Variants in EID1 observed in about 807,000 individuals in gnomAD.
The protein encoded by EID1 is EP300 interacting inhibitor of differentiation 1, also known as EP300-interacting inhibitor of differentiation 1.
Under a neutral mutation model 13.7 loss-of-function variants are expected in EID1, and 3 were observed. That is an observed-to-expected ratio of 0.22 (90% CI 0.10 to 0.57). The LOEUF (loss-of-function observed/expected upper bound fraction) is 0.57. EID1 is among the 20% of genes least tolerant of loss of function. The pLI is 0.92. For missense variants in EID1, 261 were observed against 247.6 expected (o/e 1.05, Z -0.36); for synonymous variants, 105 against 97.6 (o/e 1.08, Z -0.44).
rs761401009 is a variant in EID1 at position 48,878,346 on chromosome 15, C to G, written c.170C>G (p.Pro57Arg). The G allele has an allele frequency of 1.7e-5, 27 of 1,613,422 alleles. No individual in the cohort carries two copies. Among genetic ancestry groups the G allele is most frequent in the Non-Finnish European group, 2.1e-5 (25 of 1,179,662 alleles). ...GCCCAACAGCTCGAGGAGGAAGGCC[C>G]AATGGAGGAGGAGGAGGCCCAGCCA... ...SGAQQLEEEGPMEEEEAQPMA... is the reference protein window; with the variant it reads ...SGAQQLEEEGRMEEEEAQPMA... Residue 57 changes from proline to arginine, a missense_variant, in exon 1 of 1, where the codon CCA becomes CGA. Transcript: ENST00000530028.
Position 48,878,521 on chromosome 15 carries a change from G to A in EID1, c.345G>A (p.Glu115=). ...WEDDYDYPEE[E]QLSGAGYRVS... is the part of the protein sequence containing the mutation. ...ACGACTACGACTATCCCGAAGAGGAGCAGCTCAGTGGTGCCGGCTACAGAG... is the reference window on the plus strand; with the variant it reads ...ACGACTACGACTATCCCGAAGAGGAACAGCTCAGTGGTGCCGGCTACAGAG... Residue 115 remains glutamate (E), a synonymous_variant, in exon 1 of 1, where the codon GAG becomes GAA. Coordinates refer to ENST00000530028, the MANE Select transcript of EID1 (RefSeq NM_014335.3). 1 of 1,614,080 alleles carries A rather than the reference G, an allele frequency of 6.2e-7. No individual in the cohort carries two copies. Among genetic ancestry groups the A allele is most frequent in the Non-Finnish European group, 8.5e-7 (1 of 1,179,904 alleles).
At position 48,878,824 on chromosome 15, in the gene EID1, G is replaced by A. The variant is rs1171317278; in HGVS notation, c.*84G>A. ...TTTTGGGTTCATTCCAAATAGTTTT[G>A]TGCCATTGAAAAACTTGACCTTCAA... On this transcript the variant is annotated 3_prime_UTR_variant, in exon 1 of 1. Coordinates refer to ENST00000530028, the MANE Select transcript of EID1 (RefSeq NM_014335.3). The A allele has an allele frequency of 1.5e-6, 2 of 1,368,266 alleles. No homozygotes were observed. The highest frequency in any genetic ancestry group is 2.0e-6 in the Non-Finnish European group (2 of 1,014,930). The allele number at this position is 1,368,266 out of a possible 1,614,324, so 84.8% of individuals were successfully genotyped here. A position where few individuals can be genotyped will look rare whatever the true frequency, so the allele number is the denominator to read the frequency against.
Position 48,878,972 on chromosome 15 carries a change from G to A in EID1, c.*232G>A. On this transcript the variant is annotated 3_prime_UTR_variant, in exon 1 of 1. Coordinates refer to ENST00000530028, the MANE Select transcript of EID1 (RefSeq NM_014335.3). ...ACCGTTGAAATCAATTATCAAGAAC[G>A]TCCTAAAACACCTATGGCTTTGACT... 1 of 442,058 alleles carries A rather than the reference G, an allele frequency of 2.3e-6. No homozygotes were observed. The highest frequency in any genetic ancestry group is 3.5e-5 in the East Asian group (1 of 28,824). 27.4% of individuals were successfully genotyped at this position (442,058 alleles called of 1,614,324 possible).
At position 48,878,792 on chromosome 15, in the gene EID1, C is replaced by T. The variant is rs893767396; in HGVS notation, c.*52C>T. 5.3e-6 allele frequency: 8 copies of T among 1,521,086 alleles called. No homozygotes were observed. In the African/African-American group the frequency reaches 8.3e-5, roughly 16 times the overall value. The allele number at this position is 1,521,086 out of a possible 1,614,324, so 94.2% of individuals were successfully genotyped here. A position where few individuals can be genotyped will look rare whatever the true frequency, so the allele number is the denominator to read the frequency against. On this transcript the variant is annotated 3_prime_UTR_variant, in exon 1 of 1. Coordinates refer to ENST00000530028, the MANE Select transcript of EID1 (RefSeq NM_014335.3). ...CTACTTGAGGAGGGACCCAACTTTCCGCTATCTTTTGGGTTCATTCCAAAT... is the reference window on the plus strand; with the variant it reads ...CTACTTGAGGAGGGACCCAACTTTCTGCTATCTTTTGGGTTCATTCCAAAT...
rs761502658 is a variant in EID1 at position 48,878,408 on chromosome 15, G to T, written c.232G>T (p.Gly78Trp). The T allele has an allele frequency of 1.2e-6, 2 of 1,611,842 alleles. No individual in the cohort carries two copies. The highest frequency in any genetic ancestry group is 2.7e-5 in the African/African-American group (2 of 74,914). The change falls in exon 1 of 1, where the codon GGG becomes TGG. Residue 78 changes from glycine to tryptophan, a missense_variant. Around this residue, in one of 2 missense-constraint regions of EID1, gnomAD observed 244 missense variants for 210.8 expected, o/e 1.16. Coordinates refer to ENST00000530028, the MANE Select transcript of EID1 (RefSeq NM_014335.3). The stretch of plus-strand genomic sequence containing the variant: ...AGAGGGGAAACGGAGCCTTGCTAAC[G>T]GGCCCAACGCTGGGGAGCAGCCAGG... ...APEGKRSLAN[G>W]PNAGEQPGQV...
Position 48,878,511 on chromosome 15 carries a change from C to T in EID1, c.335C>T (p.Pro112Leu), listed in dbSNP as rs1346676098. ...FDDWEDDYDY[P>L]EEEQLSGAGY... Reference sequence around the variant, plus strand: ...GACTGGGAGGACGACTACGACTATCCCGAAGAGGAGCAGCTCAGTGGTGCC... The same window carrying T: ...GACTGGGAGGACGACTACGACTATCTCGAAGAGGAGCAGCTCAGTGGTGCC... The change falls in exon 1 of 1, where the codon CCC becomes CTC. Residue 112 changes from proline to leucine, a missense_variant. This residue lies in a region of EID1 where 244 missense variants were observed against 210.8 expected (regional missense o/e 1.16). Coordinates refer to ENST00000530028, the MANE Select transcript of EID1 (RefSeq NM_014335.3). 1.9e-6 allele frequency: 3 copies of T among 1,613,910 alleles called. No individual in the cohort carries two copies. The highest frequency in any genetic ancestry group is 2.2e-5 in the South Asian group (2 of 91,090).
Position 48,878,611 on chromosome 15 carries a change from C to T in EID1, c.435C>T (p.Gly145=). 1.2e-6 allele frequency: 2 copies of T among 1,614,022 alleles called. No homozygotes were observed. Among genetic ancestry groups the T allele is most frequent in the Non-Finnish European group, 1.7e-6 (2 of 1,179,898 alleles). ...FLRTREPALD[G]GFQMHYEKTP... ...GAACAAGAGAACCAGCCCTGGATGG[C>T]GGGTTTCAGATGCATTATGAGAAGA... Residue 145 remains glycine (G), a synonymous_variant, in exon 1 of 1, where the codon GGC becomes GGT. Coordinates refer to ENST00000530028, the MANE Select transcript of EID1 (RefSeq NM_014335.3).
chr15:48,878,648 C>G lies in EID1; in HGVS notation c.472C>G (p.Gln158Glu). Residue 158 changes from glutamine (Q) to glutamate (E), a missense_variant, in exon 1 of 1, where the codon CAG becomes GAG. Transcript: ENST00000530028. ...GCATTATGAGAAGACCCCGTTTGATCAGTTAGCTTTTATCGAAGAGCTTTT... is the reference window on the plus strand; with the variant it reads ...GCATTATGAGAAGACCCCGTTTGATGAGTTAGCTTTTATCGAAGAGCTTTT... ...QMHYEKTPFD[Q>E]LAFIEELFSL... 1 of 1,614,066 alleles carries G rather than the reference C, an allele frequency of 6.2e-7. No homozygotes were observed. The highest frequency in any genetic ancestry group is 8.5e-7 in the Non-Finnish European group (1 of 1,179,904).
chr15:48,878,208 A>T lies in EID1; in HGVS notation c.32A>T (p.Tyr11Phe). The change falls in exon 1 of 1, where the codon TAT becomes TTT. Residue 11 changes from tyrosine to phenylalanine, a missense_variant. Physicochemically the swap from Tyr to Phe is conservative, Grantham distance 22. Around this residue, in one of 2 missense-constraint regions of EID1, gnomAD observed 244 missense variants for 210.8 expected, o/e 1.16. Transcript: ENST00000530028. The part of the protein sequence containing the change: MSEMAELSEL[Y>F]EESSDLQMDV... ...GAAATGGCTGAGTTGTCCGAGCTGT[A>T]TGAAGAGAGCAGTGACCTGCAGATG... The T allele has an allele frequency of 6.3e-7, 1 of 1,588,804 alleles. No homozygotes were observed. The highest frequency in any genetic ancestry group is 2.2e-5 in the East Asian group (1 of 44,610).
At position 48,878,593 on chromosome 15, in the gene EID1, A is replaced by G. The variant is rs1899875943; in HGVS notation, c.417A>G (p.Arg139=). ...CCGACAAGATGTTTCTGAGAACAAG[A>G]GAACCAGCCCTGGATGGCGGGTTTC... ...EEADKMFLRT[R]EPALDGGFQM... The change falls in exon 1 of 1, where the codon AGA becomes AGG. Residue 139 remains arginine (R), a synonymous_variant. Transcript: ENST00000530028. 6.2e-7 allele frequency: 1 copy of G among 1,613,962 alleles called. No individual in the cohort carries two copies. Among genetic ancestry groups the G allele is most frequent in the African/African-American group, 1.3e-5 (1 of 74,950 alleles).
chr15:48,878,407 C>G lies in EID1; in HGVS notation c.231C>G (p.Asn77Lys). 1 of 1,611,904 alleles carries G rather than the reference C, an allele frequency of 6.2e-7. No homozygotes were observed. The highest frequency in any genetic ancestry group is 1.1e-5 in the South Asian group (1 of 90,896). Residue 77 changes from asparagine to lysine, a missense_variant, in exon 1 of 1, where the codon AAC (asparagine) becomes AAG (lysine). Around this residue, in one of 2 missense-constraint regions of EID1, gnomAD observed 244 missense variants for 210.8 expected, o/e 1.16. Coordinates refer to ENST00000530028, the MANE Select transcript of EID1 (RefSeq NM_014335.3). ...AAPEGKRSLANGPNAGEQPGQ... is the reference protein window; with the variant it reads ...AAPEGKRSLAKGPNAGEQPGQ... ...CAGAGGGGAAACGGAGCCTTGCTAACGGGCCCAACGCTGGGGAGCAGCCAG... is the reference window on the plus strand; with the variant it reads ...CAGAGGGGAAACGGAGCCTTGCTAAGGGGCCCAACGCTGGGGAGCAGCCAG...
Position 48,878,402 on chromosome 15 carries a change from G to C in EID1, c.226G>C (p.Ala76Pro), listed in dbSNP as rs747474162. ...GGCGCCAGAGGGGAAACGGAGCCTT[G>C]CTAACGGGCCCAACGCTGGGGAGCA... is the stretch of plus-strand genomic sequence containing the variant. ...MAAPEGKRSL[A>P]NGPNAGEQPG... Residue 76 changes from alanine to proline, a missense_variant, in exon 1 of 1, where the codon GCT becomes CCT. Ala to Pro is a conservative substitution (Grantham distance 27). This residue lies in a region of EID1 where 244 missense variants were observed against 210.8 expected (regional missense o/e 1.16). Coordinates refer to ENST00000530028, the MANE Select transcript of EID1 (RefSeq NM_014335.3). 4 of 1,611,920 alleles carry C rather than the reference G, an allele frequency of 2.5e-6. No individual in the cohort carries two copies. Among genetic ancestry groups the C allele is most frequent in the Non-Finnish European group, 3.4e-6 (4 of 1,178,952 alleles).
Position 48,878,826 on chromosome 15 carries a change from G to C in EID1, c.*86G>C. 3 of 1,359,072 alleles carry C rather than the reference G, an allele frequency of 2.2e-6. No homozygotes were observed. Among genetic ancestry groups the C allele is most frequent in the Non-Finnish European group, 3.0e-6 (3 of 1,007,280 alleles). The allele number at this position is 1,359,072 out of a possible 1,614,324, so 84.2% of individuals were successfully genotyped here. On this transcript the variant is annotated 3_prime_UTR_variant, in exon 1 of 1. Coordinates refer to ENST00000530028, the MANE Select transcript of EID1 (RefSeq NM_014335.3). Reference sequence around the variant, plus strand: ...TTGGGTTCATTCCAAATAGTTTTGTGCCATTGAAAAACTTGACCTTCAAAA... The same window carrying C: ...TTGGGTTCATTCCAAATAGTTTTGTCCCATTGAAAAACTTGACCTTCAAAA...
rs1293184902 is a variant in EID1 at position 48,879,875 on chromosome 15, G to A, written c.*1135G>A. ...TACTTTCTATTGTATGTGTTAACCA[G>A]TATTAAGGGAAAATGATCCAGCTTC... is the stretch of plus-strand genomic sequence containing the variant. On this transcript the variant is annotated 3_prime_UTR_variant, in exon 1 of 1. Coordinates refer to ENST00000530028, the MANE Select transcript of EID1 (RefSeq NM_014335.3). The A allele has an allele frequency of 6.0e-6, 1 of 167,014 alleles. No individual in the cohort carries two copies. Among genetic ancestry groups the A allele is most frequent in the African/African-American group, 2.4e-5 (1 of 41,444 alleles). 10.3% of individuals were successfully genotyped at this position (167,014 alleles called of 1,614,324 possible). A position where few individuals can be genotyped will look rare whatever the true frequency, so the allele number is the denominator to read the frequency against.
rs1463034071 is a variant in EID1 at position 48,878,194 on chromosome 15, G to A, written c.18G>A (p.Glu6=). The change falls in exon 1 of 1, where the codon GAG becomes GAA. Residue 6 remains glutamate (E), a synonymous_variant. Transcript: ENST00000530028. ...TTTGCACAATGTCGGAAATGGCTGAGTTGTCCGAGCTGTATGAAGAGAGCA... is the reference window on the plus strand; with the variant it reads ...TTTGCACAATGTCGGAAATGGCTGAATTGTCCGAGCTGTATGAAGAGAGCA... MSEMA[E]LSELYEESSD... 1 of 1,562,532 alleles carries A rather than the reference G, an allele frequency of 6.4e-7. No homozygotes were observed.
In EID1 at chr15:48,878,378, G is replaced by A; in HGVS notation, c.202G>A (p.Ala68Thr). 1.2e-6 allele frequency: 2 copies of A among 1,612,784 alleles called. No homozygotes were observed. The highest frequency in any genetic ancestry group is 1.7e-6 in the Non-Finnish European group (2 of 1,179,286). The change falls in exon 1 of 1, where the codon GCG becomes ACG. Residue 68 changes from alanine to threonine, a missense_variant. By Grantham distance (58) the Ala-to-Thr change is moderately conservative. Around this residue, in one of 2 missense-constraint regions of EID1, gnomAD observed 244 missense variants for 210.8 expected, o/e 1.16. Coordinates refer to ENST00000530028, the MANE Select transcript of EID1 (RefSeq NM_014335.3). Reference sequence around the variant, plus strand: ...GGAGGAGGAGGCCCAGCCAATGGCGGCGCCAGAGGGGAAACGGAGCCTTGC... The same window carrying A: ...GGAGGAGGAGGCCCAGCCAATGGCGACGCCAGAGGGGAAACGGAGCCTTGC... Reference protein sequence around the residue: ...MEEEEAQPMAAPEGKRSLANG... With the variant: ...MEEEEAQPMATPEGKRSLANG...
rs531814832 is a variant in EID1 at position 48,879,534 on chromosome 15, A to G, written c.*794A>G. On this transcript the variant is annotated 3_prime_UTR_variant, in exon 1 of 1. Coordinates refer to ENST00000530028, the MANE Select transcript of EID1 (RefSeq NM_014335.3). ...ACCATTGCTTATGCTGTTATATACT[A>G]GAGAAATTTTGTTTTGCTTGCTGTT... 5.6e-4 allele frequency: 94 copies of G among 167,202 alleles called. No homozygotes were observed. The highest frequency in any genetic ancestry group is 2.2e-3 in the African/African-American group (93 of 41,596). 10.4% of individuals were successfully genotyped at this position (167,202 alleles called of 1,614,324 possible).
rs1899884613 is a variant in EID1, at chr15:48,878,878, A to G, written c.*138A>G. 5.7e-6 allele frequency: 4 copies of G among 697,728 alleles called. No individual in the cohort carries two copies. The South Asian group carries it at 8.0e-5, about 14-fold the overall frequency. 43.2% of individuals were successfully genotyped at this position (697,728 alleles called of 1,614,324 possible). On this transcript the variant is annotated 3_prime_UTR_variant, in exon 1 of 1. Coordinates refer to ENST00000530028, the MANE Select transcript of EID1 (RefSeq NM_014335.3). ...AATTTGTTTTTCAGAATAGAACACA[A>G]TAGGACAGTGACTGCACAGTTGTGA...
chr15:48,878,392 A>G lies in EID1; in HGVS notation c.216A>G (p.Lys72=). 2 of 1,612,374 alleles carry G rather than the reference A, an allele frequency of 1.2e-6. No homozygotes were observed. Among genetic ancestry groups the G allele is most frequent in the African/African-American group, 1.3e-5 (1 of 75,050 alleles). ...EAQPMAAPEG[K]RSLANGPNAG... The stretch of plus-strand genomic sequence containing the variant: ...AGCCAATGGCGGCGCCAGAGGGGAA[A>G]CGGAGCCTTGCTAACGGGCCCAACG... The change falls in exon 1 of 1, where the codon AAA becomes AAG. Residue 72 remains lysine (K), a synonymous_variant. Coordinates refer to ENST00000530028, the MANE Select transcript of EID1 (RefSeq NM_014335.3).
Sources: gnomAD v4.1 joint callset for allele counts on GRCh38, gnomAD v4.1.1 for gene constraint, gnomAD v4.1.1 regional missense constraint, MANE v1.5 for transcripts, NCBI Gene and HGNC (gene_info 2026-07-23, HGNC 2026-07-21) for gene names.